MID1: variants seen among roughly 807,000 people sequenced by gnomAD.
MID1 encodes the protein midline 1.
In MID1, 7 loss-of-function variants were observed where a neutral mutation model predicts 40.4. The observed-to-expected ratio is 0.17, with a 90% CI of 0.10 to 0.33. MID1 has a LOEUF of 0.33. Among genes scored for constraint, MID1 ranks in the 10% least tolerant of loss-of-function variants. The pLI is 1.00. For missense variants in MID1, 367 were observed against 558.5 expected, an observed-to-expected ratio of 0.66 and a Z score of 3.46; for synonymous variants, 229 against 221.2, an observed-to-expected ratio of 1.04 and a Z score of -0.31.
chrX:10,655,913 G>A (rs926980703), intron 1 of MID1, among the ~76,000 whole-genome samples: 1 of 110,248 alleles, frequency 9.1e-6, no homozygotes. Flanking sequence ...ACACATGAGT[G>A]ACCCCAAGTG....
chrX:10,609,247 G>A (rs1935684297), intron 1 of MID1, among the ~76,000 whole-genome samples: 1 of 111,297 alleles, frequency 9.0e-6, no homozygotes, highest in African/African-American at 3.3e-5. Flanking sequence ...GTGTACATAT[G>A]TGTATATTTA....
At chrX:10,828,548 G>A (rs1216163978) in intron 1 of MID1, among the ~76,000 whole-genome samples, 1 of 111,779 alleles carries the variant, frequency 8.9e-6, no homozygotes, top group African/African-American at 3.3e-5. Flanking sequence ...TTAAAAGGGG[G>A]AAATCTACAT....
chrX:10,602,225 C>CTTTT (rs56897260), intron 1 of MID1, among the ~76,000 whole-genome samples: 2 of 83,534 alleles, frequency 2.4e-5, no homozygotes, highest in African/African-American at 9.7e-5. Context: ...TAGTTTCTGA[C>CTTTT]TTTTTTTTTT....
At chrX:10,521,227 CCCCATGA>C (rs1162851633) in intron 3 of MID1, among the ~76,000 whole-genome samples, 1 of 110,708 alleles carries the variant, frequency 9.0e-6, no homozygotes, top group East Asian at 2.9e-4. Context: ...AGGGATCTGC[CCCCATGA>C]CCCAAACACC....
At chrX:10,809,040 C>T (rs1388438598) in intron 1 of MID1, among the ~76,000 whole-genome samples, 1 of 111,577 alleles carries the variant, frequency 9.0e-6, no homozygotes, top group Non-Finnish European at 1.9e-5. Context: ...TGACAAAGGG[C>T]TAATATCCAG....
intron 1 of MID1, among the ~76,000 whole-genome samples, chrX:10,816,939 C>G (rs2044139253): frequency 9.0e-6 from 1 of 111,372 alleles, no homozygotes; most frequent in Non-Finnish European, 1.9e-5. Flanking sequence ...AGCCAGTGGG[C>G]CCCAGCATTT....
chrX:10,536,739 T>C (rs1933271201), intron 2 of MID1, among the ~76,000 whole-genome samples: 1 of 112,248 alleles, frequency 8.9e-6, no homozygotes, highest in Admixed American at 9.4e-5. Flanking sequence ...ATACAAATTG[T>C]TGGGCACCTT....
chrX:10,645,761 A>C (rs1220507951), intron 1 of MID1, among the ~76,000 whole-genome samples: 1 of 111,758 alleles, frequency 8.9e-6, no homozygotes, highest in East Asian at 2.8e-4. Flanking sequence ...GCAGTCTGAC[A>C]GTGTCTTGCC....
At chrX:10,723,563 T>C (rs2043371112) in intron 1 of MID1, among the ~76,000 whole-genome samples, 1 of 113,239 alleles carries the variant, frequency 8.8e-6, no homozygotes. Flanking sequence ...TGTAGTTTCT[T>C]ATTTTTGAGA....
At chrX:10,689,348 G>T (rs1266270259) in intron 1 of MID1, among the ~76,000 whole-genome samples, 1 of 110,680 alleles carries the variant, frequency 9.0e-6, no homozygotes, top group East Asian at 2.8e-4. Context: ...GGTGAAGGGG[G>T]AAGTGCCACA....
chrX:10,516,072 A>C (rs146455913), intron 3 of MID1, among the ~76,000 whole-genome samples: 3,329 of 111,820 alleles, frequency 0.03, 80 homozygotes, highest in African/African-American at 0.074. Context: ...GTGTAACTAC[A>C]AACTCATCCA....
intron 1 of MID1, among the ~76,000 whole-genome samples, chrX:10,597,650 C>CA (rs935883412): frequency 4.5e-5 from 5 of 111,631 alleles, no homozygotes; most frequent in Non-Finnish European, 9.4e-5. Flanking sequence ...GAGCAATTAG[C>CA]AAAAAATGTT....
intron 1 of MID1, among the ~76,000 whole-genome samples, chrX:10,629,759 T>C (rs1297227677): frequency 1.8e-5 from 2 of 112,403 alleles, no homozygotes; most frequent in Non-Finnish European, 3.8e-5. Flanking sequence ...GTGATTCATT[T>C]CCACAGTTAG....
intron 1 of MID1, among the ~76,000 whole-genome samples, chrX:10,578,435 G>C (rs1934927524): frequency 8.9e-6 from 1 of 111,750 alleles, no homozygotes; most frequent in South Asian, 3.8e-4. Flanking sequence ...CATCAGGAAA[G>C]AAATATTTAC....
At chrX:10,775,069 A>G (rs1361296354) in intron 1 of MID1, among the ~76,000 whole-genome samples, 3 of 97,096 alleles carry the variant, frequency 3.1e-5, no homozygotes, top group African/African-American at 1.1e-4. Context: ...GCAGTAAAGC[A>G]GGGGATGAAT....
intron 1 of MID1, among the ~76,000 whole-genome samples, chrX:10,593,802 C>CACACACACAT (rs1300344817): frequency 1.9e-5 from 2 of 108,071 alleles, no homozygotes; most frequent in Admixed American, 2.0e-4. Context: ...CACACACACA[C>CACACACACAT]ACCACTTTTT....
intron 1 of MID1, among the ~76,000 whole-genome samples, chrX:10,636,507 T>A (rs1229439635): frequency 4.6e-5 from 5 of 109,431 alleles, no homozygotes; most frequent in African/African-American, 1.3e-4. Context: ...CCGTTGGGAT[T>A]TGGACCCGGA....
Position 10,469,798 on chromosome X carries a change from G to T in MID1, c.1184C>A (p.Ser395Ter), listed in dbSNP as rs1210633665. 8.3e-7 allele frequency: 1 copy of T among 1,209,508 alleles called. No individual in the cohort carries two copies. The change falls in exon 7 of 10, where the codon TCA (serine) becomes TAA (stop). Residue 395 changes from serine (S) to a stop codon, truncating the protein, a stop_gained. Transcript: ENST00000317552. LOFTEE classifies it high-confidence loss of function. ...PTIREELCTA[S>*]YDTITVHWTS... ...CCAATGCACAGTGATGGTGTCATATGAAGCTGTGCAGAGCTCTTCTCTAAT... is the reference window on the plus strand; with the variant it reads ...CCAATGCACAGTGATGGTGTCATATTAAGCTGTGCAGAGCTCTTCTCTAAT...
At chrX:10,476,946 T>C (rs1930047147) in intron 5 of MID1, among the ~76,000 whole-genome samples, 1 of 112,461 alleles carries the variant, frequency 8.9e-6, no homozygotes, top group African/African-American at 3.2e-5. Context: ...CAAAAAGTCC[T>C]TAAACTTCAT....
Sources: gnomAD v4.1 joint callset for allele counts (sites outside exome capture counted in the v4.1 genomes callset) on GRCh38, gnomAD v4.1.1 for gene constraint, MANE v1.5 for transcripts, NCBI Gene and HGNC (gene_info 2026-07-23, HGNC 2026-07-21) for gene names.